DMD: variants seen among roughly 807,000 people sequenced by gnomAD.
DMD encodes the protein dystrophin, also known as mutant dystrophin.
In DMD, 63 loss-of-function variants were observed where a neutral mutation model predicts 330.1. The observed-to-expected ratio is 0.19, with a 90% CI of 0.16 to 0.24. DMD has a LOEUF of 0.24. DMD is among the 10% of genes least tolerant of loss of function. DMD has a pLI of 1.00. For missense variants in DMD, 3,344 were observed against 2,684.1 expected (o/e 1.25, Z -5.43); for synonymous variants, 1,223 against 959.8 (o/e 1.27, Z -5.07).
Position 32,565,828 on chromosome X carries a change from T to A in DMD, c.1866A>T (p.Ser622=). ...KKKQSMGKLY[S]LKQDLLSTLK... is the part of the protein sequence containing the mutation. ...GTGTTGAAAGAAGATCTTGTTTGAG[T>A]GAATACAGTTTGCCCATGGATTGCT... The change falls in exon 16 of 79, where the codon TCA becomes TCT. Residue 622 remains serine (S), a synonymous_variant. Transcript: ENST00000357033. 1 of 1,211,446 alleles carries A rather than the reference T, an allele frequency of 8.3e-7. No individual in the cohort carries two copies. The highest frequency in any genetic ancestry group is 3.0e-5 in the East Asian group (1 of 33,819).
At chrX:32,062,587 T>C (rs2096233738) in intron 44 of DMD, among the ~76,000 whole-genome samples, 1 of 111,354 alleles carries the variant, frequency 9.0e-6, no homozygotes, top group African/African-American at 3.2e-5. Flanking sequence ...TATACAATAC[T>C]ATTTTTAATT....
At chrX:33,060,322 G>C (rs1293118492) in intron 1 of DMD, among the ~76,000 whole-genome samples, 1 of 111,222 alleles carries the variant, frequency 9.0e-6, no homozygotes, top group African/African-American at 3.3e-5. Context: ...AACATGATCA[G>C]ATATCCAGGA....
chrX:31,893,459 C>G (rs946402043), intron 47 of DMD, among the ~76,000 whole-genome samples: 2 of 111,148 alleles, frequency 1.8e-5, no homozygotes, highest in African/African-American at 6.6e-5. Context: ...ACATTTTTGG[C>G]CCCCAGGCTG....
chrX:32,223,959 A>G (rs775687925), intron 43 of DMD, among the ~76,000 whole-genome samples: 79 of 111,825 alleles, frequency 7.1e-4, no homozygotes, highest in African/African-American at 2.5e-3. Flanking sequence ...TAAAAATGCC[A>G]TCCAGGTCAA....
chrX:31,688,403 C>G (rs1418387116), intron 52 of DMD, among the ~76,000 whole-genome samples: 1 of 111,456 alleles, frequency 9.0e-6, no homozygotes, highest in Admixed American at 9.5e-5. Flanking sequence ...CATACACCTT[C>G]CCAAGACTAA....
chrX:31,857,629 A>G (rs1368066368), intron 48 of DMD, among the ~76,000 whole-genome samples: 1 of 109,923 alleles, frequency 9.1e-6, no homozygotes, highest in East Asian at 2.8e-4. Context: ...AGAATTTGGA[A>G]ACTGTAGCTT....
chrX:31,739,365 T>C (rs1263159613), intron 51 of DMD, among the ~76,000 whole-genome samples: 21 of 112,376 alleles, frequency 1.9e-4, no homozygotes. Flanking sequence ...TGGCTAGCTT[T>C]AAAAATAAAA....
chrX:32,039,695 A>G (rs1368216216), intron 44 of DMD, among the ~76,000 whole-genome samples: 1 of 112,121 alleles, frequency 8.9e-6, no homozygotes, highest in Non-Finnish European at 1.9e-5. Context: ...ATGATTTCCT[A>G]TTACTTAGAG....
intron 7 of DMD, among the ~76,000 whole-genome samples, chrX:32,791,354 G>T (rs2075807218): frequency 9.0e-6 from 1 of 111,474 alleles, no homozygotes; most frequent in Non-Finnish European, 1.9e-5. Context: ...TAGCCTGCCT[G>T]GACACACTAA....
intron 1 of DMD, among the ~76,000 whole-genome samples, chrX:33,173,289 T>C (rs1412122611): frequency 1.8e-5 from 2 of 111,540 alleles, no homozygotes; most frequent in African/African-American, 3.3e-5. Flanking sequence ...TTTAAAAAGA[T>C]GCATGTTTAC....
intron 4 of DMD, among the ~76,000 whole-genome samples, chrX:32,841,855 T>C (rs1354244502): frequency 8.9e-6 from 1 of 112,000 alleles, no homozygotes; most frequent in Admixed American, 9.5e-5. Flanking sequence ...AGTGGAGAAC[T>C]TGTTTTTATT....
intron 73 of DMD, among the ~76,000 whole-genome samples, chrX:31,170,670 G>C (rs148579328): frequency 0.016 from 1,759 of 111,411 alleles, 49 homozygotes; most frequent in African/African-American, 0.054. Context: ...GTGAAAAGCT[G>C]ACTAAAAATA....
At chrX:31,997,266 A>G (rs1241321736) in intron 44 of DMD, among the ~76,000 whole-genome samples, 1 of 111,294 alleles carries the variant, frequency 9.0e-6, no homozygotes, top group Non-Finnish European at 1.9e-5. Flanking sequence ...AGGATAGGTG[A>G]TTGCTAGGTT....
At chrX:32,407,079 A>C (rs1196129592) in intron 30 of DMD, among the ~76,000 whole-genome samples, 1 of 111,560 alleles carries the variant, frequency 9.0e-6, no homozygotes, top group East Asian at 2.8e-4. Context: ...GGACTTCATG[A>C]CGAAAACAAC....
At chrX:33,253,342 T>C (rs760478197) in intron 1 of DMD, among the ~76,000 whole-genome samples, 2 of 111,818 alleles carry the variant, frequency 1.8e-5, no homozygotes, top group South Asian at 3.6e-4. Flanking sequence ...GACATATTAG[T>C]TCTTGATAAC....
intron 44 of DMD, among the ~76,000 whole-genome samples, chrX:32,199,578 G>A (rs192300810): frequency 3.1e-5 from 3 of 97,150 alleles, no homozygotes; most frequent in Non-Finnish European, 6.3e-5. Context: ...AGGAGGAGGG[G>A]TGTGAGCAGC....
At chrX:33,161,141 A>G (rs751897326) in intron 1 of DMD, among the ~76,000 whole-genome samples, 1 of 112,082 alleles carries the variant, frequency 8.9e-6, no homozygotes, top group Non-Finnish European at 1.9e-5. Flanking sequence ...GAGGAAATTG[A>G]GTCTCAGTAT....
At chrX:32,781,640 C>T (rs2074771983) in intron 7 of DMD, among the ~76,000 whole-genome samples, 1 of 109,950 alleles carries the variant, frequency 9.1e-6, no homozygotes, top group Admixed American at 9.9e-5. Flanking sequence ...GTGTCAGCCT[C>T]TCTCCTGCAA....
intron 2 of DMD, among the ~76,000 whole-genome samples, chrX:32,895,643 A>G (rs188837310): frequency 4.2e-4 from 47 of 111,832 alleles, no homozygotes; most frequent in Non-Finnish European, 7.5e-4. Context: ...TTCAACAGAG[A>G]GGAATAATCC....
Sources: allele counts gnomAD v4.1 joint callset (sites outside exome capture counted in the v4.1 genomes callset), GRCh38; gene constraint gnomAD v4.1.1; transcripts MANE v1.5; gene names NCBI Gene and HGNC (gene_info 2026-07-23, HGNC 2026-07-21).